Variants in ADAMTS17 observed in about 807,000 individuals in gnomAD.
ADAMTS17 encodes ADAM metallopeptidase with thrombospondin type 1 motif 17, also known as A disintegrin and metalloproteinase with thrombospondin motifs 17.
Under a neutral mutation model 141.5 loss-of-function variants are expected in ADAMTS17, and 113 were observed. That is an observed-to-expected ratio of 0.80 (90% confidence interval 0.69 to 0.93). The LOEUF is 0.93. Among genes scored for constraint, ADAMTS17 ranks in the 40% least tolerant of loss-of-function variants. The pLI, the probability that ADAMTS17 is intolerant of heterozygous loss-of-function variation, is 0.00. For missense variants in ADAMTS17, 1,659 were observed against 1,517.9 expected (o/e 1.09, Z -1.54); for synonymous variants, 768 against 630.6 (o/e 1.22, Z -3.27).
chr15:100,156,754 T>A (rs1001186428), intron 8 of ADAMTS17, among the ~76,000 whole-genome samples: 3 of 152,170 alleles, frequency 2.0e-5, no homozygotes, highest in Admixed American at 2.0e-4. Context: ...GAAAGATGAA[T>A]AAATCATAAA....
rs559148762 is a variant in ADAMTS17, at chr15:100,092,060, A to T, written c.2137+4296T>A. On this transcript the variant is annotated intron_variant, in intron 15 of 21. Coordinates refer to ENST00000268070, the MANE Select transcript of ADAMTS17 (RefSeq NM_139057.4). ...TGCCTGTAGGGACACCAGTCCTGAA[A>T]TATGAAAACTTTTCTATGGAAGAAG... Among the ~76,000 whole-genome samples, 87 of 152,330 alleles carry T rather than the reference A, an allele frequency of 5.7e-4. 1 individual carries two copies. The highest frequency in any genetic ancestry group is 1.4e-3 in the Admixed American group (21 of 15,300).
intron 8 of ADAMTS17, among the ~76,000 whole-genome samples, chr15:100,186,485 CT>C (rs1053722780): frequency 6.6e-6 from 1 of 152,192 alleles, no homozygotes; most frequent in Non-Finnish European, 1.5e-5. Context: ...GCCGCATACC[CT>C]TTTCCCTCCC....
intron 3 of ADAMTS17, among the ~76,000 whole-genome samples, chr15:100,283,216 C>A (rs2044341175): frequency 6.6e-6 from 1 of 152,182 alleles, no homozygotes; most frequent in Non-Finnish European, 1.5e-5. Flanking sequence ...TCCCTCAGAG[C>A]CAGGCCCATC....
At chr15:100,063,618 G>C (rs1164415840) in intron 15 of ADAMTS17, 3 of 1,270,984 alleles carry the variant, frequency 2.4e-6, no homozygotes, top group South Asian at 1.2e-5. Flanking sequence ...CAATTTACCA[G>C]ACTGATCATC....
intron 15 of ADAMTS17, among the ~76,000 whole-genome samples, chr15:100,063,049 C>T (rs1008070415): frequency 7.2e-5 from 11 of 152,214 alleles, no homozygotes; most frequent in African/African-American, 2.7e-4. Context: ...CTCAGAAGGT[C>T]TTCTCTGGCT....
intron 15 of ADAMTS17, among the ~76,000 whole-genome samples, chr15:100,065,122 CAACA>C (rs113337639): frequency 1.9e-4 from 29 of 152,110 alleles, no homozygotes; most frequent in African/African-American, 6.3e-4. Context: ...AAAGTTCAAA[CAACA>C]TACAGCAGAA....
intron 20 of ADAMTS17, among the ~76,000 whole-genome samples, chr15:99,982,699 G>T (rs973655247): frequency 1.3e-5 from 2 of 152,178 alleles, no homozygotes; most frequent in African/African-American, 2.4e-5. Context: ...CTTTTGTCAA[G>T]GGGCTCATCA....
chr15:99,978,491 G>C (rs1458628793), intron 20 of ADAMTS17: 1 of 152,226 alleles, frequency 6.6e-6, no homozygotes, highest in Non-Finnish European at 1.5e-5. Context: ...CCCACTTCAT[G>C]CCTTGTTCCT....
At chr15:100,155,035 C>A (rs2039365612) in intron 9 of ADAMTS17, 145 bp downstream of exon 9, 5 of 1,187,302 alleles carry the variant, frequency 4.2e-6, no homozygotes, top group Non-Finnish European at 6.1e-6. Context: ...TTATAGGACA[C>A]TCTGCGCTGA....
intron 18 of ADAMTS17, among the ~76,000 whole-genome samples, chr15:100,028,172 C>T (rs532682348): frequency 4.3e-4 from 65 of 152,348 alleles, no homozygotes; most frequent in African/African-American, 1.4e-3. Context: ...GACCCACCAC[C>T]CCAATAACAC....
intron 10 of ADAMTS17, among the ~76,000 whole-genome samples, chr15:100,149,201 G>C (rs1168892101): frequency 6.6e-6 from 1 of 152,230 alleles, no homozygotes; most frequent in African/African-American, 2.4e-5. Context: ...GTGTGGCACT[G>C]TCTTCACCTG....
intron 7 of ADAMTS17, among the ~76,000 whole-genome samples, chr15:100,250,107 C>G (rs943566055): frequency 6.6e-6 from 1 of 152,100 alleles, no homozygotes; most frequent in African/African-American, 2.4e-5. Context: ...AAACAGAACT[C>G]AAGATATTGC....
At chr15:100,104,173 T>C (rs1471726785) in intron 14 of ADAMTS17, among the ~76,000 whole-genome samples, 2 of 152,230 alleles carry the variant, frequency 1.3e-5, no homozygotes, top group Non-Finnish European at 1.5e-5. Flanking sequence ...GACTCGCTCA[T>C]TGCATGTCAG....
chr15:100,096,321 C>A (rs1263511941), intron 15 of ADAMTS17, 35 bp downstream of exon 15: 1 of 1,611,182 alleles, frequency 6.2e-7, no homozygotes, highest in African/African-American at 1.3e-5. Flanking sequence ...ACACAAAACA[C>A]TGTAGCCACA....
chr15:100,304,113 A>T (rs76689519), intron 3 of ADAMTS17, among the ~76,000 whole-genome samples: 5,839 of 152,262 alleles, frequency 0.038, 128 homozygotes, highest in Middle Eastern at 0.071. Flanking sequence ...TCTTCAGACA[A>T]TCCTTCCCAG....
intron 4 of ADAMTS17, among the ~76,000 whole-genome samples, chr15:100,264,168 A>G (rs1173628238): frequency 6.6e-6 from 1 of 152,250 alleles, no homozygotes; most frequent in East Asian, 1.9e-4. Context: ...TTCCTCAGGA[A>G]CAACTAGCTG....
At chr15:100,006,562 G>A (rs528765066) in intron 18 of ADAMTS17, among the ~76,000 whole-genome samples, 14 of 152,158 alleles carry the variant, frequency 9.2e-5, no homozygotes, top group Non-Finnish European at 1.3e-4. Flanking sequence ...CTGGTAGGTC[G>A]TTATTTTCAA....
chr15:100,051,871 C>A, intron 16 of ADAMTS17, 140 bp from the exon 17 acceptor site: 1 of 1,066,880 alleles, frequency 9.4e-7, no homozygotes, highest in Non-Finnish European at 1.4e-6. Flanking sequence ...AAACAGGTTC[C>A]ACTGAGGGTG....
intron 15 of ADAMTS17, among the ~76,000 whole-genome samples, chr15:100,056,564 C>G (rs992306946): frequency 1.3e-5 from 2 of 152,114 alleles, no homozygotes; most frequent in Non-Finnish European, 2.9e-5. Flanking sequence ...ATAGGGTTTG[C>G]GCTCCTATGA....
Sources: allele counts gnomAD v4.1 joint callset (sites outside exome capture counted in the v4.1 genomes callset), GRCh38; gene constraint gnomAD v4.1.1; transcripts MANE v1.5; gene names NCBI Gene and HGNC (gene_info 2026-07-23, HGNC 2026-07-21).